INPP5F: variants seen among roughly 807,000 people sequenced by gnomAD.
INPP5F encodes phosphatidylinositide 4-phosphatase SAC2.
Under a neutral mutation model 137.2 loss-of-function variants are expected in INPP5F, and 97 were observed. The observed-to-expected ratio is 0.71, with a 90% CI of 0.60 to 0.84. The LOEUF is 0.84. Among genes scored for constraint, INPP5F ranks in the 40% least tolerant of loss-of-function variants. The pLI is 0.00. For missense variants in INPP5F, 1,271 were observed against 1,371.9 expected (o/e 0.93, Z 1.16); for synonymous variants, 504 against 476.9 (o/e 1.06, Z -0.74).
chr10:119,782,031 C>A (rs955547696), intron 3 of INPP5F, among the ~76,000 whole-genome samples: 1 of 152,166 alleles, frequency 6.6e-6, no homozygotes, highest in Non-Finnish European at 1.5e-5. Flanking sequence ...TCCACTTGAT[C>A]TCTCCTGGGA....
intron 2 of INPP5F, among the ~76,000 whole-genome samples, chr10:119,775,683 A>G (rs1849501432): frequency 6.6e-6 from 1 of 152,138 alleles, no homozygotes; most frequent in Non-Finnish European, 1.5e-5. Context: ...AAAAAGTTGA[A>G]CATCATAGAA....
At chr10:119,780,576 C>CA (rs1382456770) in intron 2 of INPP5F, among the ~76,000 whole-genome samples, 1 of 152,114 alleles carries the variant, frequency 6.6e-6, no homozygotes, top group Non-Finnish European at 1.5e-5. Context: ...GACCCAGTCT[C>CA]AAACAAAACA....
chr10:119,740,798 C>T lies in INPP5F; in HGVS notation c.98-10278C>T, dbSNP rs184715325. On this transcript the variant is annotated intron_variant, in intron 1 of 19. Coordinates refer to ENST00000650623, the MANE Select transcript of INPP5F (RefSeq NM_014937.4). ...CCTCATCATCCTCCTGCCTCGGCCT[C>T]CCAAAGTGCTGGGATTACAGGCGCG... Among the ~76,000 whole-genome samples the T allele has an allele frequency of 2.7e-3, 406 of 152,286 alleles. 2 individuals are homozygous for T. The highest frequency in any genetic ancestry group is 8.9e-3 in the African/African-American group (371 of 41,538).
chr10:119,744,323 C>A (rs12778977), intron 1 of INPP5F, among the ~76,000 whole-genome samples: 2 of 152,162 alleles, frequency 1.3e-5, no homozygotes, highest in African/African-American at 4.8e-5. Context: ...CTCCATCCTT[C>A]CCCTTGCTAA....
At chr10:119,779,323 A>T (rs113213692) in intron 2 of INPP5F, among the ~76,000 whole-genome samples, 1,920 of 152,282 alleles carry the variant, frequency 0.013, 39 homozygotes, top group African/African-American at 0.036. Context: ...GGCCTAGGAC[A>T]TTATCGTACA....
chr10:119,771,864 ATATATATATATATATATATTTTTTTTT>A (rs1283177967), intron 2 of INPP5F, among the ~76,000 whole-genome samples: 23 of 13,120 alleles, frequency 1.8e-3, no homozygotes, highest in Admixed American at 3.9e-3. Flanking sequence ...ATATATATAT[ATATATATATATATATATATTTTTTTTT>A]TTTTTTTTTT....
Position 119,812,022 on chromosome 10 carries a change from A to G in INPP5F, c.1886+67A>G. 4.8e-6 allele frequency: 6 copies of G among 1,247,998 alleles called. No homozygotes were observed. In the South Asian group the frequency reaches 7.3e-5, roughly 15 times the overall value. The allele number at this position is 1,247,998 out of a possible 1,614,324, so 77.3% of individuals were successfully genotyped here. A position where few individuals can be genotyped will look rare whatever the true frequency, so the allele number is the denominator to read the frequency against. On this transcript the variant is annotated intron_variant, in intron 15 of 19. Coordinates refer to ENST00000650623, the MANE Select transcript of INPP5F (RefSeq NM_014937.4). ...ATGTTGGGAAGTTGTCATGATTAAC[A>G]CTGGCAGTTGTCCCTAAAGCTGTGG...
intron 3 of INPP5F, among the ~76,000 whole-genome samples, chr10:119,784,441 T>A (rs550096987): frequency 6.6e-6 from 1 of 152,356 alleles, no homozygotes; most frequent in African/African-American, 2.4e-5. Context: ...TAAACAAAAC[T>A]ACTTATTTCT....
chr10:119,726,392 G>A (rs1847890182), intron 1 of INPP5F, 33 bp downstream of exon 1: 4 of 1,221,046 alleles, frequency 3.3e-6, no homozygotes, highest in Non-Finnish European at 4.1e-6. Flanking sequence ...GGGGCACCCC[G>A]GGCCAGGGCG....
rs1392066042 is a variant in INPP5F at position 119,820,903 on chromosome 10, C to T, written c.1944C>T (p.Ala648=). 1.2e-6 allele frequency: 2 copies of T among 1,607,638 alleles called. No homozygotes were observed. The highest frequency in any genetic ancestry group is 3.3e-5 in the Admixed American group (2 of 60,020). Residue 648 remains alanine, a synonymous_variant, in exon 16 of 20, where the codon GCC becomes GCT. Transcript: ENST00000650623. ...VDVLLLLSNS[A]YYVAYYDDEV... is the part of the protein sequence containing the mutation. ...TGCTGTTACTGCTTTCTAACTCTGC[C>T]TACTACGTGGCCTAGTAAGTTGCTT...
At chr10:119,808,089 T>C in intron 13 of INPP5F, 29 bp downstream of exon 13, 7 of 1,603,814 alleles carry the variant, frequency 4.4e-6, no homozygotes, top group Non-Finnish European at 6.0e-6. Flanking sequence ...CATCTGTGGG[T>C]CATTATGTAG....
At position 119,826,891 on chromosome 10, in the gene INPP5F, C is replaced by T. The variant is rs1301419953; in HGVS notation, c.2510C>T (p.Thr837Ile). The change falls in exon 20 of 20, where the codon ACA becomes ATA. Residue 837 changes from threonine to isoleucine, a missense_variant. This residue lies in a region of INPP5F where 490 missense variants were observed against 443.7 expected (regional missense o/e 1.10). Coordinates refer to ENST00000650623, the MANE Select transcript of INPP5F (RefSeq NM_014937.4). The part of the protein sequence containing the change: ...SDSSLETMEN[T>I]GVMDKVQAES... ...AGTAGTCTTGAAACTATGGAAAACA[C>T]AGGAGTGATGGATAAGGTTCAGGCA... 2 of 1,614,010 alleles carry T rather than the reference C, an allele frequency of 1.2e-6. No homozygotes were observed. Among genetic ancestry groups the T allele is most frequent in the South Asian group, 2.2e-5 (2 of 91,072 alleles).
At chr10:119,754,485 T>G (rs1175948602) in intron 2 of INPP5F, among the ~76,000 whole-genome samples, 1 of 152,106 alleles carries the variant, frequency 6.6e-6, no homozygotes, top group Non-Finnish European at 1.5e-5. Context: ...TAGGATATTT[T>G]GAAAGAAGGG....
intron 2 of INPP5F, among the ~76,000 whole-genome samples, chr10:119,764,576 T>C (rs1482154659): frequency 6.6e-6 from 1 of 151,732 alleles, no homozygotes; most frequent in African/African-American, 2.4e-5. Flanking sequence ...CTCTTCCTTA[T>C]GGTTTTCTTT....
chr10:119,811,922 A>T lies in INPP5F; in HGVS notation c.1853A>T (p.His618Leu), dbSNP rs1193486895. The T allele has an allele frequency of 6.2e-7, 1 of 1,614,124 alleles. No homozygotes were observed. The highest frequency in any genetic ancestry group is 1.3e-5 in the African/African-American group (1 of 74,950). Residue 618 changes from histidine (H) to leucine (L), a missense_variant, in exon 15 of 20, where the codon CAT (histidine) becomes CTT (leucine). His to Leu is a moderately conservative substitution (Grantham distance 99, BLOSUM62 -3). Transcript: ENST00000650623. ...CTACTGCCTGATGATGAGAAGTTCC[A>T]TGGGGGCTGGGCCCTCATTGACTGT... ...KLLLPDDEKF[H>L]GGWALIDCDP...
At chr10:119,819,854 A>T in intron 15 of INPP5F, 1 of 224,408 alleles carries the variant, frequency 4.5e-6, no homozygotes, top group Non-Finnish European at 8.7e-6. Context: ...TCCCTGCAGT[A>T]CCTGTTAAAC....
chr10:119,821,729 TGCCTCCCTCC>T, intron 16 of INPP5F, among the ~76,000 whole-genome samples: 1 of 120,682 alleles, frequency 8.3e-6, no homozygotes, highest in South Asian at 3.1e-4. Flanking sequence ...CCTTCATCTC[TGCCTCCCTCC>T]GTCTCTTGCT....
rs1221045918 is a variant in INPP5F at position 119,828,891 on chromosome 10, C to CTATAA, written c.*1112_*1116dup. On this transcript the variant is annotated 3_prime_UTR_variant, in exon 20 of 20. Transcript: ENST00000650623. ...ACACAATTGTGCTGAATCTGTCTGA[C>CTATAA]TATAACTCTGACCACACAGAACCAG... 6.6e-6 allele frequency: 1 copy of CTATAA among 152,284 alleles called. No homozygotes were observed. Among genetic ancestry groups the CTATAA allele is most frequent in the Non-Finnish European group, 1.5e-5 (1 of 68,042 alleles). 9.4% of individuals were successfully genotyped at this position (152,284 alleles called of 1,614,324 possible).
intron 1 of INPP5F, among the ~76,000 whole-genome samples, chr10:119,745,797 T>C (rs1238205229): frequency 6.9e-6 from 1 of 144,942 alleles, no homozygotes; most frequent in African/African-American, 2.6e-5. Context: ...CTCCACCTCC[T>C]GGGTTCAAGC....
Sources: gnomAD v4.1 joint callset for allele counts (sites outside exome capture counted in the v4.1 genomes callset) on GRCh38, gnomAD v4.1.1 for gene constraint, gnomAD v4.1.1 regional missense constraint, MANE v1.5 for transcripts, NCBI Gene and HGNC (gene_info 2026-07-23, HGNC 2026-07-21) for gene names.